Variants in LPCAT2 observed in about 807,000 individuals in gnomAD.
LPCAT2 encodes the protein lysophosphatidylcholine acyltransferase 2.
LPCAT2 carries 58 observed loss-of-function variants against 64.7 expected under a neutral mutation model. That is an observed-to-expected ratio of 0.90 (90% CI 0.73 to 1.12). The LOEUF is 1.12. Ranked by LOEUF, LPCAT2 falls within the 50% of genes most tolerant of loss-of-function variation. LPCAT2 has a pLI of 0.00. For missense variants in LPCAT2, 579 were observed against 669.8 expected (o/e 0.86, Z 1.50); for synonymous variants, 252 against 245.3 (o/e 1.03, Z -0.26).
rs1353397406 is a variant in LPCAT2, at chr16:55,585,476, G to A, written c.*2378G>A. The A allele has an allele frequency of 6.6e-6, 1 of 152,060 alleles. No individual in the cohort carries two copies. Among genetic ancestry groups the A allele is most frequent in the Admixed American group, 6.6e-5 (1 of 15,244 alleles). 9.4% of individuals were successfully genotyped at this position (152,060 alleles called of 1,614,324 possible). ...TGCTAACAAAGATTTCTTTCACAGA[G>A]GCTTTTCTCCTCTCAAGACTTAAAG... is the stretch of plus-strand genomic sequence containing the variant. On this transcript the variant is annotated 3_prime_UTR_variant, in exon 14 of 14. Transcript: ENST00000262134.
intron 3 of LPCAT2, among the ~76,000 whole-genome samples, chr16:55,528,830 C>G (rs999701859): frequency 6.6e-5 from 10 of 152,098 alleles, no homozygotes; most frequent in Non-Finnish European, 1.3e-4. Context: ...ATGTCATTGT[C>G]TTTCTGTTCT....
At chr16:55,544,560 G>C (rs1424473754) in intron 8 of LPCAT2, among the ~76,000 whole-genome samples, 1 of 152,180 alleles carries the variant, frequency 6.6e-6, no homozygotes, top group Non-Finnish European at 1.5e-5. Context: ...AAAACACCTA[G>C]CATGATGCCT....
chr16:55,524,082 A>G (rs1301442425), intron 1 of LPCAT2, among the ~76,000 whole-genome samples: 3 of 151,834 alleles, frequency 2.0e-5, no homozygotes, highest in Non-Finnish European at 3.0e-5. Context: ...ACTGCTAGGT[A>G]TTTACTTAAG....
At chr16:55,526,697 GAC>G (rs1388574005) in intron 2 of LPCAT2, among the ~76,000 whole-genome samples, 16 of 152,012 alleles carry the variant, frequency 1.1e-4, no homozygotes, top group African/African-American at 2.4e-5. Flanking sequence ...ACGTTTTTAT[GAC>G]TCACCAATTC....
intron 1 of LPCAT2, among the ~76,000 whole-genome samples, chr16:55,522,700 C>T (rs1217448213): frequency 2.6e-5 from 4 of 151,382 alleles, no homozygotes; most frequent in African/African-American, 7.3e-5. Context: ...GCAAAGTTAC[C>T]AAGAAAATTC....
intron 1 of LPCAT2, among the ~76,000 whole-genome samples, chr16:55,513,501 A>G (rs1167926716): frequency 1.5e-5 from 2 of 135,600 alleles, no homozygotes; most frequent in African/African-American, 2.6e-5. Flanking sequence ...TATCTTCTCT[A>G]TAAAAGCAAT....
At chr16:55,573,196 C>T (rs1456150094) in intron 11 of LPCAT2, among the ~76,000 whole-genome samples, 1 of 152,140 alleles carries the variant, frequency 6.6e-6, no homozygotes, top group Non-Finnish European at 1.5e-5. Flanking sequence ...CTTTGAGAAG[C>T]TAATAAAAGC....
intron 9 of LPCAT2, among the ~76,000 whole-genome samples, chr16:55,547,030 C>G (rs1963461724): frequency 6.6e-6 from 1 of 152,024 alleles, no homozygotes; most frequent in Non-Finnish European, 1.5e-5. Flanking sequence ...GCCTGTAATC[C>G]CAGCTACTCA....
rs376510387 is a variant in LPCAT2 at position 55,552,028 on chromosome 16, C to A, written c.1215+926C>A. On this transcript the variant is annotated intron_variant, in intron 11 of 13. Coordinates refer to ENST00000262134, the MANE Select transcript of LPCAT2 (RefSeq NM_017839.5). The stretch of plus-strand genomic sequence containing the variant: ...ACAAATGCACAGAAGCATGTAACTA[C>A]CACTGCATTCAAGATACACAACAGT... Among the ~76,000 whole-genome samples, 182 of 152,250 alleles carry A rather than the reference C, an allele frequency of 1.2e-3. 5 individuals are homozygous for A. In the South Asian group the frequency reaches 0.034, roughly 28 times the overall value.
intron 11 of LPCAT2, among the ~76,000 whole-genome samples, chr16:55,564,534 AAAC>A (rs1364486756): frequency 2.6e-5 from 4 of 151,988 alleles, no homozygotes. Context: ...ATCCCAGAAG[AAAC>A]CCTTGTGTAT....
chr16:55,559,466 C>A (rs1398874488), intron 11 of LPCAT2, among the ~76,000 whole-genome samples: 1 of 152,066 alleles, frequency 6.6e-6, no homozygotes, highest in East Asian at 1.9e-4. Context: ...GGTATTAGTT[C>A]AAGTGTTAAA....
intron 13 of LPCAT2, 98 bp downstream of exon 13, chr16:55,579,342 T>A: frequency 8.9e-7 from 1 of 1,127,734 alleles, no homozygotes; most frequent in Non-Finnish European, 1.2e-6. Context: ...CTAATTACAT[T>A]AATAATAGAC....
rs1963906597 is a variant in LPCAT2 at position 55,583,168 on chromosome 16, C to CT, written c.*74dup. ...ATTGTAAAGGCACTTATTGATAATA[C>CT]TTTTAATGTGTTGGTAATGATGTTT... is the stretch of plus-strand genomic sequence containing the variant. On this transcript the variant is annotated 3_prime_UTR_variant, in exon 14 of 14. Transcript: ENST00000262134. 1 of 1,132,866 alleles carries CT rather than the reference C, an allele frequency of 8.8e-7. No homozygotes were observed. The highest frequency in any genetic ancestry group is 1.6e-5 in the African/African-American group (1 of 64,052). 70.2% of individuals were successfully genotyped at this position (1,132,866 alleles called of 1,614,324 possible). A position where few individuals can be genotyped will look rare whatever the true frequency, so the allele number is the denominator to read the frequency against.
At chr16:55,510,399 A>G (rs1962914532) in intron 1 of LPCAT2, among the ~76,000 whole-genome samples, 1 of 141,366 alleles carries the variant, frequency 7.1e-6, no homozygotes, top group Admixed American at 7.2e-5. Flanking sequence ...GTTAGTGATC[A>G]GAGAACAAGA....
intron 1 of LPCAT2, among the ~76,000 whole-genome samples, chr16:55,514,026 G>A (rs1962971971): frequency 6.6e-6 from 1 of 152,080 alleles, no homozygotes; most frequent in South Asian, 2.1e-4. Context: ...AACATAGGGA[G>A]ACTGCTTCTT....
intron 11 of LPCAT2, among the ~76,000 whole-genome samples, chr16:55,555,372 C>T (rs1261727093): frequency 1.2e-4 from 18 of 152,158 alleles, no homozygotes; most frequent in Admixed American, 1.2e-3. Flanking sequence ...ACCAATCCTC[C>T]TCTTATGGTA....
chr16:55,558,579 C>T (rs1963602051), intron 11 of LPCAT2, among the ~76,000 whole-genome samples: 1 of 152,216 alleles, frequency 6.6e-6, no homozygotes, highest in Non-Finnish European at 1.5e-5. Context: ...CTATCTAACA[C>T]TGTCACCATA....
At chr16:55,530,040 C>A in intron 4 of LPCAT2, 93 bp downstream of exon 4, 1 of 816,394 alleles carries the variant, frequency 1.2e-6, no homozygotes, top group Non-Finnish European at 1.9e-6. Flanking sequence ...ATAGCAATAT[C>A]TGTGGACACC....
chr16:55,586,294 C>T lies in LPCAT2; in HGVS notation c.*3196C>T, dbSNP rs948824852. 1.3e-5 allele frequency: 2 copies of T among 152,118 alleles called. No homozygotes were observed. The highest frequency in any genetic ancestry group is 2.9e-5 in the Non-Finnish European group (2 of 68,004). 9.4% of individuals were successfully genotyped at this position (152,118 alleles called of 1,614,324 possible). On this transcript the variant is annotated 3_prime_UTR_variant, in exon 14 of 14. Coordinates refer to ENST00000262134, the MANE Select transcript of LPCAT2 (RefSeq NM_017839.5). ...GTTCTCTCTCAACAAACTTCTCAAG[C>T]GTCTGTGTAACAAGCCACATGTTCT...
Sources: gnomAD v4.1 joint callset for allele counts (sites outside exome capture counted in the v4.1 genomes callset) on GRCh38, gnomAD v4.1.1 for gene constraint, MANE v1.5 for transcripts, NCBI Gene and HGNC (gene_info 2026-07-23, HGNC 2026-07-21) for gene names.